CSMD1: variants seen among roughly 807,000 people sequenced by gnomAD.
CSMD1 encodes CUB and Sushi multiple domains 1.
In CSMD1, 213 loss-of-function variants were observed where a neutral mutation model predicts 417.5. The ratio of observed to expected loss-of-function variants is 0.51; its 90% CI spans 0.46 to 0.57. CSMD1 has a LOEUF of 0.57. CSMD1 is among the 20% of genes least tolerant of loss of function. The pLI is 0.00. For missense variants in CSMD1, 6,923 were observed against 4,529.7 expected (o/e 1.53, Z -15.17); for synonymous variants, 2,862 against 1,736.8 (o/e 1.65, Z -16.11).
chr8:2,976,686 G>C lies in CSMD1; in HGVS notation c.8566+1926C>G, dbSNP rs529360583. On this transcript the variant is annotated intron_variant, in intron 55 of 69. Transcript: ENST00000635120. Reference sequence around the variant, plus strand: ...ATGGATGTAAAATGCATAGGACAAAGATCAGATTTTGATTTTAAGGATTGC... The same window carrying C: ...ATGGATGTAAAATGCATAGGACAAACATCAGATTTTGATTTTAAGGATTGC... 2.0e-5 allele frequency among the ~76,000 whole-genome samples: 3 copies of C among 152,304 alleles called. No homozygotes were observed. The South Asian group carries it at 6.2e-4, about 32-fold the overall frequency.
chr8:4,523,637 A>G (rs1230557710), intron 2 of CSMD1, among the ~76,000 whole-genome samples: 1 of 152,208 alleles, frequency 6.6e-6, no homozygotes, highest in African/African-American at 2.4e-5. Context: ...CCAAGGTTCC[A>G]GTCCGGGGCC....
At chr8:4,423,402 T>A (rs887567781) in intron 2 of CSMD1, among the ~76,000 whole-genome samples, 52 of 151,982 alleles carry the variant, frequency 3.4e-4, no homozygotes, top group African/African-American at 1.2e-3. Context: ...CTATTGTAGT[T>A]CTACATACTA....
At chr8:3,079,164 G>C (rs1298101894) in intron 49 of CSMD1, among the ~76,000 whole-genome samples, 3 of 152,188 alleles carry the variant, frequency 2.0e-5, no homozygotes, top group African/African-American at 7.2e-5. Context: ...GTGTGAGGTA[G>C]ATTTAAGCAA....
At chr8:4,197,397 T>C (rs1268230719) in intron 3 of CSMD1, among the ~76,000 whole-genome samples, 2 of 152,174 alleles carry the variant, frequency 1.3e-5, no homozygotes, top group African/African-American at 4.8e-5. Context: ...TTACATAAGA[T>C]GAACATTTCA....
intron 2 of CSMD1, among the ~76,000 whole-genome samples, chr8:4,537,037 G>T (rs1362856942): frequency 2.6e-5 from 4 of 152,122 alleles, no homozygotes; most frequent in African/African-American, 9.7e-5. Flanking sequence ...AACATCAATA[G>T]TGGGTTATTT....
intron 7 of CSMD1, among the ~76,000 whole-genome samples, chr8:3,633,834 G>T (rs11992587): frequency 0.14 from 20,972 of 152,124 alleles, 1,818 homozygotes; most frequent in African/African-American, 0.24. Context: ...GCTATGAAGT[G>T]TTAAATATCA....
intron 10 of CSMD1, among the ~76,000 whole-genome samples, chr8:3,530,415 A>C (rs1797928716): frequency 6.6e-6 from 1 of 152,096 alleles, no homozygotes; most frequent in Non-Finnish European, 1.5e-5. Context: ...TCTTCGATCT[A>C]ATGATTGTTT....
chr8:4,244,355 A>G (rs954620422), intron 3 of CSMD1, among the ~76,000 whole-genome samples: 1 of 152,176 alleles, frequency 6.6e-6, no homozygotes, highest in Non-Finnish European at 1.5e-5. Context: ...TGGGATTTTA[A>G]TAGGTAGAAA....
rs563662402 is a variant in CSMD1 at position 4,702,096 on chromosome 8, T to C, written c.86-64538A>G. The stretch of plus-strand genomic sequence containing the variant: ...ACACAGGAAAGGGAACAACACATAC[T>C]GGAGCCTGTCAGGGATGAGGTGGGC... On this transcript the variant is annotated intron_variant, in intron 1 of 69. Transcript: ENST00000635120. 4.0e-4 allele frequency among the ~76,000 whole-genome samples: 61 copies of C among 152,178 alleles called. 1 individual carries two copies. The South Asian group carries it at 0.012, about 31-fold the overall frequency.
intron 12 of CSMD1, among the ~76,000 whole-genome samples, chr8:3,458,737 A>G (rs2117140952): frequency 6.6e-6 from 1 of 152,190 alleles, no homozygotes; most frequent in East Asian, 1.9e-4. Context: ...TGGTTTGTAA[A>G]TGGCTCTTAA....
At chr8:4,365,118 T>C (rs921119026) in intron 3 of CSMD1, among the ~76,000 whole-genome samples, 1 of 152,208 alleles carries the variant, frequency 6.6e-6, no homozygotes, top group African/African-American at 2.4e-5. Context: ...TTTAAGTGTG[T>C]AGACATATAG....
At chr8:4,356,655 A>G (rs1425388669) in intron 3 of CSMD1, among the ~76,000 whole-genome samples, 1 of 152,100 alleles carries the variant, frequency 6.6e-6, no homozygotes, top group Non-Finnish European at 1.5e-5. Context: ...AAGGTAGTTC[A>G]CATACACCTG....
chr8:4,203,826 G>C (rs1395817407), intron 3 of CSMD1, among the ~76,000 whole-genome samples: 2 of 152,124 alleles, frequency 1.3e-5, no homozygotes, highest in African/African-American at 4.8e-5. Context: ...TTGGTCAGGA[G>C]TCATGGCTCA....
intron 5 of CSMD1, among the ~76,000 whole-genome samples, chr8:3,951,086 T>C (rs906952730): frequency 6.6e-6 from 1 of 152,242 alleles, no homozygotes; most frequent in African/African-American, 2.4e-5. Context: ...TTGAATTTTA[T>C]ACATTAATCT....
chr8:3,004,753 T>C (rs1807726906), intron 52 of CSMD1, among the ~76,000 whole-genome samples: 1 of 152,194 alleles, frequency 6.6e-6, no homozygotes, highest in South Asian at 2.1e-4. Context: ...CCACTTAAAA[T>C]GGTTGAGAGA....
intron 1 of CSMD1, among the ~76,000 whole-genome samples, chr8:4,975,818 G>A (rs1005542359): frequency 6.8e-6 from 1 of 147,044 alleles, no homozygotes; most frequent in Non-Finnish European, 1.5e-5. Context: ...CATTTTTTTT[G>A]CAATAATAGA....
chr8:3,909,689 C>A (rs1808331860), intron 5 of CSMD1, among the ~76,000 whole-genome samples: 1 of 152,092 alleles, frequency 6.6e-6, no homozygotes, highest in Non-Finnish European at 1.5e-5. Context: ...CATCATCATT[C>A]CTCCTTCGAA....
chr8:3,702,605 C>T (rs943103976), intron 7 of CSMD1, among the ~76,000 whole-genome samples: 1 of 152,186 alleles, frequency 6.6e-6, no homozygotes, highest in Non-Finnish European at 1.5e-5. Flanking sequence ...CCGAGGCAGG[C>T]AGATCGCCTG....
intron 3 of CSMD1, among the ~76,000 whole-genome samples, chr8:4,214,138 T>G (rs940239978): frequency 6.6e-6 from 1 of 152,188 alleles, no homozygotes; most frequent in Non-Finnish European, 1.5e-5. Flanking sequence ...TGTTTTGGCT[T>G]AGTTCTTGGA....
Sources: allele counts gnomAD v4.1 joint callset (sites outside exome capture counted in the v4.1 genomes callset), GRCh38; gene constraint gnomAD v4.1.1; transcripts MANE v1.5; gene names NCBI Gene and HGNC (gene_info 2026-07-23, HGNC 2026-07-21).